FARP1: variants seen among roughly 807,000 people sequenced by gnomAD.
The protein encoded by FARP1 is FERM, ARHGEF and pleckstrin domain-containing protein 1.
FARP1 carries 52 observed loss-of-function variants against 128.8 expected under a neutral mutation model. The ratio of observed to expected loss-of-function variants is 0.40; its 90% CI spans 0.32 to 0.51. FARP1 has a LOEUF of 0.51. Among genes scored for constraint, FARP1 ranks in the 20% least tolerant of loss-of-function variants. The pLI is 0.45. For missense variants in FARP1, 1,333 were observed against 1,367.9 expected, an observed-to-expected ratio of 0.97 and a Z score of 0.40; for synonymous variants, 580 against 551.8, an observed-to-expected ratio of 1.05 and a Z score of -0.72.
chr13:98,164,107 C>T (rs908743534), intron 1 of FARP1, among the ~76,000 whole-genome samples: 1 of 152,056 alleles, frequency 6.6e-6, no homozygotes, highest in African/African-American at 2.4e-5. Context: ...CCTGTTGGCA[C>T]TAAGTCCTGT....
In FARP1 at chr13:98,235,237, A is replaced by G. The variant is rs1352636176; in HGVS notation, c.171+21824A>G. On this transcript the variant is annotated intron_variant, in intron 2 of 26. Transcript: ENST00000319562. ...CAGAGAACTTAGTGTGGTCCTCCCCAGGCAATACCCCCAGAGCCACATAAG... is the reference window on the plus strand; with the variant it reads ...CAGAGAACTTAGTGTGGTCCTCCCCGGGCAATACCCCCAGAGCCACATAAG... 3.9e-5 allele frequency among the ~76,000 whole-genome samples: 6 copies of G among 152,108 alleles called. No individual in the cohort carries two copies. In the East Asian group the frequency reaches 1.2e-3, roughly 29 times the overall value.
intron 26 of FARP1, chr13:98,447,059 T>C: frequency 2.1e-6 from 1 of 485,746 alleles, no homozygotes; most frequent in Non-Finnish European, 3.7e-6. Flanking sequence ...GACATCTTGC[T>C]TGGAGATCTC....
intron 1 of FARP1, among the ~76,000 whole-genome samples, chr13:98,168,185 A>T (rs1267042368): frequency 1.7e-4 from 25 of 147,670 alleles, no homozygotes; most frequent in East Asian, 1.9e-4. Context: ...AAAAAAAAAT[A>T]AAATAAATAA....
In FARP1 at chr13:98,435,533, C is replaced by T. The variant is rs762451471; in HGVS notation, c.2144-43C>T. The T allele has an allele frequency of 8.9e-6, 14 of 1,571,872 alleles. No individual in the cohort carries two copies. The African/African-American group carries it at 1.9e-4, about 21-fold the overall frequency. On this transcript the variant is annotated intron_variant, in intron 18 of 26. Coordinates refer to ENST00000319562, the MANE Select transcript of FARP1 (RefSeq NM_005766.4). ...GACAGCTGCTAGGGGAAGACCCCTG[C>T]CTGCCTTTCCCGCTGCAGACTGTGT...
At chr13:98,221,401 GC>G (rs1398211133) in intron 2 of FARP1, among the ~76,000 whole-genome samples, 1 of 152,172 alleles carries the variant, frequency 6.6e-6, no homozygotes, top group African/African-American at 2.4e-5. Flanking sequence ...GACCACAGCT[GC>G]CTGTGTAGTC....
intron 3 of FARP1, among the ~76,000 whole-genome samples, chr13:98,360,683 G>A (rs1264870462): frequency 6.6e-6 from 1 of 152,168 alleles, no homozygotes; most frequent in East Asian, 1.9e-4. Context: ...AATACAGTAG[G>A]CCTTCAAACC....
At chr13:98,145,118 G>C (rs934929421) in intron 1 of FARP1, among the ~76,000 whole-genome samples, 1 of 152,186 alleles carries the variant, frequency 6.6e-6, no homozygotes, top group Non-Finnish European at 1.5e-5. Context: ...GCTTTACTGA[G>C]GGAATTGTTG....
At chr13:98,421,246 A>G (rs1349891887) in intron 16 of FARP1, among the ~76,000 whole-genome samples, 1 of 152,234 alleles carries the variant, frequency 6.6e-6, no homozygotes. Flanking sequence ...TTGAAGCTTT[A>G]ACATCAGTAG....
intron 2 of FARP1, among the ~76,000 whole-genome samples, chr13:98,313,071 G>C (rs1324954643): frequency 1.3e-5 from 2 of 151,790 alleles, no homozygotes; most frequent in Non-Finnish European, 2.9e-5. Flanking sequence ...GAAGATGTAA[G>C]TTAAAGTGAA....
intron 1 of FARP1, among the ~76,000 whole-genome samples, chr13:98,190,905 T>C (rs1566722218): frequency 6.6e-6 from 1 of 152,114 alleles, no homozygotes; most frequent in Non-Finnish European, 1.5e-5. Context: ...TTTTTTAAAA[T>C]AAAAACAGTG....
intron 4 of FARP1, among the ~76,000 whole-genome samples, chr13:98,366,374 GAA>G (rs745514539): frequency 3.9e-5 from 6 of 152,208 alleles, no homozygotes; most frequent in African/African-American, 7.2e-5. Context: ...TACTGACAAT[GAA>G]ATGGCCATCA....
chr13:98,180,646 T>C (rs1393863801), intron 1 of FARP1, among the ~76,000 whole-genome samples: 4 of 152,248 alleles, frequency 2.6e-5, no homozygotes, highest in Non-Finnish European at 5.9e-5. Context: ...TTCAGCTCAC[T>C]TTATTTCTTC....
chr13:98,292,921 G>A (rs551454935), intron 2 of FARP1, among the ~76,000 whole-genome samples: 44 of 151,954 alleles, frequency 2.9e-4, no homozygotes, highest in African/African-American at 9.4e-4. Context: ...TGTAGATAAC[G>A]TGCTTTGTTC....
intron 16 of FARP1, among the ~76,000 whole-genome samples, chr13:98,419,169 C>T (rs1891497388): frequency 6.6e-6 from 1 of 152,162 alleles, no homozygotes; most frequent in South Asian, 2.1e-4. Flanking sequence ...GTGGCTGATA[C>T]ATATGTCATA....
intron 1 of FARP1, among the ~76,000 whole-genome samples, chr13:98,202,005 C>CT (rs1414457644): frequency 2.6e-5 from 4 of 152,238 alleles, no homozygotes; most frequent in Non-Finnish European, 4.4e-5. Flanking sequence ...TGCTCACAGA[C>CT]TTTTTGGAAA....
chr13:98,184,218 A>G (rs1474508845), intron 1 of FARP1, among the ~76,000 whole-genome samples: 2 of 151,754 alleles, frequency 1.3e-5, no homozygotes, highest in African/African-American at 4.8e-5. Context: ...TCTGGGTTCA[A>G]GCGATTCTCC....
intron 3 of FARP1, among the ~76,000 whole-genome samples, chr13:98,346,302 G>A (rs1454303499): frequency 6.7e-6 from 1 of 148,550 alleles, no homozygotes; most frequent in Non-Finnish European, 1.5e-5. Context: ...CAATTCTCCT[G>A]CCTCAGCCTC....
intron 1 of FARP1, among the ~76,000 whole-genome samples, chr13:98,198,213 A>C (rs1357531146): frequency 2.0e-5 from 3 of 152,224 alleles, no homozygotes; most frequent in Non-Finnish European, 4.4e-5. Context: ...AGTGTCTGCC[A>C]GTGAGCCCCA....
chr13:98,310,766 G>T (rs1196023290), intron 2 of FARP1, among the ~76,000 whole-genome samples: 2 of 152,072 alleles, frequency 1.3e-5, no homozygotes, highest in African/African-American at 4.8e-5. Context: ...CAGTATTTTT[G>T]AGTACACTCA....
Sources: allele counts gnomAD v4.1 joint callset (sites outside exome capture counted in the v4.1 genomes callset), GRCh38; gene constraint gnomAD v4.1.1; transcripts MANE v1.5; gene names NCBI Gene and HGNC (gene_info 2026-07-23, HGNC 2026-07-21).